Variants in BCL2A1 observed in about 807,000 individuals in gnomAD.
BCL2A1 encodes the protein BCL2 related protein A1.
In BCL2A1, 10 loss-of-function variants were observed where a neutral mutation model predicts 14.4. The observed-to-expected ratio is 0.69, with a 90% CI of 0.43 to 1.18. BCL2A1 has a LOEUF of 1.18. Ranked by LOEUF, BCL2A1 falls within the 50% of genes most tolerant of loss-of-function variation. The pLI, the probability that BCL2A1 is intolerant of heterozygous loss-of-function variation, is 0.00. For synonymous variants in BCL2A1, 71 were observed against 76.5 expected, an observed-to-expected ratio of 0.93 and a Z score of 0.38; for missense variants, 158 against 205.0, an observed-to-expected ratio of 0.77 and a Z score of 1.40.
chr15:79,970,284 C>A (rs779423816), intron 1 of BCL2A1, among the ~76,000 whole-genome samples: 8 of 152,006 alleles, frequency 5.3e-5, no homozygotes, highest in Admixed American at 1.3e-4. Flanking sequence ...CCCATAAATA[C>A]CTAAAAATAA....
intron 1 of BCL2A1, among the ~76,000 whole-genome samples, chr15:79,962,546 A>AATT (rs762102702): frequency 1.3e-5 from 2 of 151,750 alleles, no homozygotes; most frequent in African/African-American, 2.4e-5. Context: ...GGCCCTCTGA[A>AATT]ATTATTATTA....
intron 1 of BCL2A1, among the ~76,000 whole-genome samples, chr15:79,966,313 C>A (rs2035541163): frequency 6.6e-6 from 1 of 152,034 alleles, no homozygotes; most frequent in South Asian, 2.1e-4. Flanking sequence ...GTAATTTACC[C>A]AAGGTTATAC....
chr15:79,969,102 T>TA (rs149567094), intron 1 of BCL2A1, among the ~76,000 whole-genome samples: 5,523 of 149,832 alleles, frequency 0.037, 324 homozygotes, highest in African/African-American at 0.13. Context: ...GCTCAAAATG[T>TA]AAAAAAAAAA....
chr15:79,961,349 T>A (rs1032328200), intron 1 of BCL2A1, among the ~76,000 whole-genome samples, 175 bp from the exon 2 acceptor site: 1 of 152,232 alleles, frequency 6.6e-6, no homozygotes, highest in Non-Finnish European at 1.5e-5. Flanking sequence ...GTAATTTAAA[T>A]TTTTTTGTAG....
intron 1 of BCL2A1, among the ~76,000 whole-genome samples, chr15:79,966,590 A>G (rs529546081): frequency 6.6e-6 from 1 of 152,344 alleles, no homozygotes; most frequent in South Asian, 2.1e-4. Flanking sequence ...AAGAGAAGAG[A>G]CATGAGTTTC....
In BCL2A1 at chr15:79,970,773, T is replaced by G; in HGVS notation, c.347A>C (p.Lys116Thr). 6.2e-7 allele frequency: 1 copy of G among 1,614,244 alleles called. No individual in the cohort carries two copies. The highest frequency in any genetic ancestry group is 8.5e-7 in the Non-Finnish European group (1 of 1,180,036). Reference protein sequence around the residue: ...QQIAPDVDTYKEISYFVAEFI... With the variant: ...QQIAPDVDTYTEISYFVAEFI... ...CTCCGCAACAAAATATGAAATCTCCTTATAGGTATCCACATCCGGGGCAAT... is the reference window on the plus strand; with the variant it reads ...CTCCGCAACAAAATATGAAATCTCCGTATAGGTATCCACATCCGGGGCAAT... The change falls in exon 1 of 2, where the codon AAG becomes ACG. Residue 116 changes from lysine (K) to threonine (T), a missense_variant. Physicochemically the swap from Lys to Thr is moderately conservative, Grantham distance 78 (BLOSUM62 -1). Transcript: ENST00000267953.
At chr15:79,967,972 T>C (rs2035558818) in intron 1 of BCL2A1, among the ~76,000 whole-genome samples, 1 of 151,912 alleles carries the variant, frequency 6.6e-6, no homozygotes. Context: ...AGGCTGAGTG[T>C]GTGCACGTGC....
At chr15:79,965,074 A>G (rs1042813425) in intron 1 of BCL2A1, among the ~76,000 whole-genome samples, 5 of 152,276 alleles carry the variant, frequency 3.3e-5, no homozygotes, top group Admixed American at 6.5e-5. Flanking sequence ...CCAGGGTAAA[A>G]GGGCAGCTTG....
At chr15:79,969,515 T>TA (rs2035575019) in intron 1 of BCL2A1, among the ~76,000 whole-genome samples, 1 of 152,164 alleles carries the variant, frequency 6.6e-6, no homozygotes, top group Non-Finnish European at 1.5e-5. Context: ...TAACAGAATA[T>TA]ACACAGCACT....
intron 1 of BCL2A1, among the ~76,000 whole-genome samples, chr15:79,961,972 C>T (rs1033894055): frequency 4.6e-5 from 7 of 152,160 alleles, no homozygotes; most frequent in African/African-American, 1.4e-4. Context: ...TTAGCCAACC[C>T]GTTGGTGCCT....
Position 79,960,894 on chromosome 15 carries a change from G to A in BCL2A1, c.*173C>T. ...AGAAATTAAGACAAAATGGCATATA[G>A]AGAAAAATACATACAATTTATTCAT... On this transcript the variant is annotated 3_prime_UTR_variant, in exon 2 of 2. Transcript: ENST00000267953. The A allele has an allele frequency of 1.8e-6, 2 of 1,109,072 alleles. No homozygotes were observed. Among genetic ancestry groups the A allele is most frequent in the Non-Finnish European group, 1.3e-6 (1 of 772,382 alleles). 68.7% of individuals were successfully genotyped at this position (1,109,072 alleles called of 1,614,324 possible).
Position 79,964,955 on chromosome 15 carries a change from C to G in BCL2A1, c.421-3781G>C, listed in dbSNP as rs115549832. The stretch of plus-strand genomic sequence containing the variant: ...AATGTGCTTAGCTTATCCAAGGAGG[C>G]TGGAGCTATGAGAGCACGGAGGGAT... On this transcript the variant is annotated intron_variant, in intron 1 of 1. Coordinates refer to ENST00000267953, the MANE Select transcript of BCL2A1 (RefSeq NM_004049.4). 3.5e-3 allele frequency among the ~76,000 whole-genome samples: 534 copies of G among 152,150 alleles called. 3 individuals carry two copies. Among genetic ancestry groups the G allele is most frequent in the African/African-American group, 0.012 (511 of 41,504 alleles).
chr15:79,966,867 A>G (rs376068132), intron 1 of BCL2A1, among the ~76,000 whole-genome samples: 17 of 152,272 alleles, frequency 1.1e-4, no homozygotes, highest in African/African-American at 3.9e-4. Context: ...GACAAAAAGG[A>G]GAAAGAGAAT....
intron 1 of BCL2A1, among the ~76,000 whole-genome samples, chr15:79,962,867 C>T (rs2562754): frequency 0.64 from 97,613 of 151,646 alleles, 34,165 homozygotes; most frequent in Non-Finnish European, 0.77. Context: ...ATTATGACAA[C>T]GATCATTGTC....
At chr15:79,962,875 G>A (rs2035504423) in intron 1 of BCL2A1, among the ~76,000 whole-genome samples, 1 of 151,714 alleles carries the variant, frequency 6.6e-6, no homozygotes, top group Non-Finnish European at 1.5e-5. Context: ...AACGATCATT[G>A]TCTATTATCA....
At chr15:79,970,088 A>G (rs2035579903) in intron 1 of BCL2A1, among the ~76,000 whole-genome samples, 1 of 152,110 alleles carries the variant, frequency 6.6e-6, no homozygotes, top group South Asian at 2.1e-4. Flanking sequence ...GTCATACAGT[A>G]TATTATGTTT....
Position 79,971,037 on chromosome 15 carries a change from G to C in BCL2A1, c.83C>G (p.Ser28Ter), listed in dbSNP as rs1415196179. 3.1e-6 allele frequency: 5 copies of C among 1,614,194 alleles called. No individual in the cohort carries two copies. The highest frequency in any genetic ancestry group is 4.2e-6 in the Non-Finnish European group (5 of 1,180,020). Residue 28 changes from serine (S) to a stop codon, truncating the protein, a stop_gained, in exon 1 of 2, where the codon TCA (serine) becomes TGA (stop). Coordinates refer to ENST00000267953, the MANE Select transcript of BCL2A1 (RefSeq NM_004049.4). LOFTEE classifies it high-confidence loss of function. ...CACTCTGGACGTTTTGCTTGGACCT[G>C]ATCCAGGTTGTGGTATCTGTAGGAC... ...QCVLQIPQPGSGPSKTSRVLQ... is the reference protein window; with the variant it reads ...QCVLQIPQPG
In BCL2A1 at chr15:79,961,157, CT is replaced by C. The variant is rs753829854; in HGVS notation, c.437del (p.Lys146ArgfsTer10). ...QNGGWENGFV[K>X]KFEPKSGWMT... ...TCCAGCCAGATTTAGGTTCAAACTTCTTTACAAAGCCATTTTCCTATAAAAG... is the reference window on the plus strand; with the variant it reads ...TCCAGCCAGATTTAGGTTCAAACTTCTTACAAAGCCATTTTCCTATAAAAG... On this transcript the variant is annotated frameshift_variant, in exon 2 of 2. Coordinates refer to ENST00000267953, the MANE Select transcript of BCL2A1 (RefSeq NM_004049.4). LOFTEE classifies it high-confidence loss of function. 1 of 1,613,642 alleles carries C rather than the reference CT, an allele frequency of 6.2e-7. No homozygotes were observed. The highest frequency in any genetic ancestry group is 8.5e-7 in the Non-Finnish European group (1 of 1,179,644).
At chr15:79,967,644 T>C in intron 1 of BCL2A1, 1 of 1,597,104 alleles carries the variant, frequency 6.3e-7, no homozygotes, top group Non-Finnish European at 8.6e-7. Context: ...TACCTCTTCT[T>C]GTGGGCCACT....
Sources: gnomAD v4.1 joint callset for allele counts (sites outside exome capture counted in the v4.1 genomes callset) on GRCh38, gnomAD v4.1.1 for gene constraint, MANE v1.5 for transcripts, NCBI Gene and HGNC (gene_info 2026-07-23, HGNC 2026-07-21) for gene names.